RYR3: variants seen among roughly 807,000 people sequenced by gnomAD.
RYR3 encodes the protein ryanodine receptor 3.
In RYR3, 207 loss-of-function variants were observed where a neutral mutation model predicts 584.3. The observed-to-expected ratio is 0.35, with a 90% confidence interval of 0.32 to 0.40. The LOEUF is 0.40. Ranked by LOEUF, RYR3 falls within the 10% of genes least tolerant of loss-of-function variation. RYR3 has a pLI of 1.00. For missense variants in RYR3, 5,616 were observed against 6,089.2 expected (o/e 0.92, Z 2.59); for synonymous variants, 2,416 against 2,248.5 (o/e 1.07, Z -2.11).
intron 1 of RYR3, among the ~76,000 whole-genome samples, chr15:33,329,557 A>G (rs1016547281): frequency 6.6e-6 from 1 of 152,192 alleles, no homozygotes; most frequent in Non-Finnish European, 1.5e-5. Context: ...TTCAGTGTGT[A>G]GAGCGATTCC....
At position 33,838,108 on chromosome 15, in the gene RYR3, G is replaced by T. The variant is rs2078152436; in HGVS notation, c.12128G>T (p.Arg4043Leu). ...ATGGGTGGGGCCAAGAAGATTGAGCGTGTTTATTTTGAGATCAGTGAATCC... is the reference window on the plus strand; with the variant it reads ...ATGGGTGGGGCCAAGAAGATTGAGCTTGTTTATTTTGAGATCAGTGAATCC... Reference protein sequence around the residue: ...EIMGGAKKIERVYFEISESSR... With the variant: ...EIMGGAKKIELVYFEISESSR... The change falls in exon 89 of 104, where the codon CGT becomes CTT. Residue 4043 changes from arginine (R) to leucine (L), a missense_variant. Coordinates refer to ENST00000634891, the MANE Select transcript of RYR3 (RefSeq NM_001036.6). 6.2e-7 allele frequency: 1 copy of T among 1,613,822 alleles called. No homozygotes were observed. Among genetic ancestry groups the T allele is most frequent in the Non-Finnish European group, 8.5e-7 (1 of 1,179,898 alleles).
At position 33,401,358 on chromosome 15, in the gene RYR3, T is replaced by G. The variant is rs116347554; in HGVS notation, c.52-72061T>G. Among the ~76,000 whole-genome samples the G allele has an allele frequency of 6.9e-3, 1,056 of 152,322 alleles. 13 individuals are homozygous for G. Among genetic ancestry groups the G allele is most frequent in the African/African-American group, 0.024 (1,008 of 41,568 alleles). On this transcript the variant is annotated intron_variant, in intron 1 of 103. Transcript: ENST00000634891. ...CCCTGGTCAGGCTGGGTGGTAACCT[T>G]GTTGTCTCAGGCGTCTGATTTCACA... is the stretch of plus-strand genomic sequence containing the variant.
chr15:33,738,034 C>T (rs546161282), intron 49 of RYR3, among the ~76,000 whole-genome samples: 29 of 152,250 alleles, frequency 1.9e-4, no homozygotes, highest in African/African-American at 7.0e-4. Flanking sequence ...CCACCATCCT[C>T]TCCCCATATC....
chr15:33,762,252 C>T (rs929636291), intron 60 of RYR3, among the ~76,000 whole-genome samples: 2 of 152,130 alleles, frequency 1.3e-5, no homozygotes, highest in Non-Finnish European at 2.9e-5. Context: ...GAAGTTCTGG[C>T]CAGGGCAATC....
intron 94 of RYR3, 48 bp from the exon 95 acceptor site, chr15:33,852,983 TCTTGATGTGTTTTC>T: frequency 7.0e-7 from 1 of 1,426,158 alleles, no homozygotes; most frequent in African/African-American, 1.4e-5. Context: ...CTGAAACGTT[TCTTGATGTGTTTTC>T]CTTGATGTTA....
At chr15:33,413,115 C>T (rs572857154) in intron 1 of RYR3, among the ~76,000 whole-genome samples, 6 of 152,336 alleles carry the variant, frequency 3.9e-5, no homozygotes, top group East Asian at 1.9e-4. Context: ...GTTCTTCCAA[C>T]CTCTTGAATT....
chr15:33,459,656 C>T (rs573759694), intron 1 of RYR3, among the ~76,000 whole-genome samples: 44 of 152,200 alleles, frequency 2.9e-4, no homozygotes, highest in African/African-American at 9.6e-4. Context: ...TCACAGTCTG[C>T]GGCTGAAAAT....
intron 103 of RYR3, 161 bp from the exon 104 acceptor site, chr15:33,864,970 A>C: frequency 1.8e-6 from 1 of 565,104 alleles, no homozygotes; most frequent in Non-Finnish European, 3.1e-6. Flanking sequence ...TTGCTTCCCA[A>C]ACAGCCTGTG....
chr15:33,742,806 A>G lies in RYR3; in HGVS notation c.7899+362A>G, dbSNP rs55879601. On this transcript the variant is annotated intron_variant, in intron 52 of 103. Coordinates refer to ENST00000634891, the MANE Select transcript of RYR3 (RefSeq NM_001036.6). ...ATTTTTGTCTTTGAATGCAGATTGGAAAAAAAAAATGAAATTGAAAGCCTA... is the reference window on the plus strand; with the variant it reads ...ATTTTTGTCTTTGAATGCAGATTGGGAAAAAAAAATGAAATTGAAAGCCTA... Among the ~76,000 whole-genome samples the G allele has an allele frequency of 6.7e-3, 842 of 124,900 alleles. 3 individuals carry two copies. Among genetic ancestry groups the G allele is most frequent in the Non-Finnish European group, 9.1e-3 (518 of 56,952 alleles). 81.9% of individuals were successfully genotyped at this position (124,900 alleles called of 152,430 possible).
chr15:33,687,095 G>A (rs1237201978), intron 38 of RYR3, among the ~76,000 whole-genome samples: 1 of 152,090 alleles, frequency 6.6e-6, no homozygotes, highest in Non-Finnish European at 1.5e-5. Flanking sequence ...AGAAATAAAG[G>A]GTATTCAATT....
Position 33,584,218 on chromosome 15 carries a change from CTG to C in RYR3, c.1574-175_1574-174del, listed in dbSNP as rs1228388123. On this transcript the variant is annotated intron_variant, in intron 14 of 103. Coordinates refer to ENST00000634891, the MANE Select transcript of RYR3 (RefSeq NM_001036.6). ...CTCCAGCCTGGGTGACTGGGTGAGA[CTG>C]TCACTTAAAAAAAGAAAAAAAAAGA... is the stretch of plus-strand genomic sequence containing the variant. 7.2e-5 allele frequency among the ~76,000 whole-genome samples: 11 copies of C among 152,020 alleles called. No homozygotes were observed. The East Asian group carries it at 1.9e-3, about 27-fold the overall frequency.
chr15:33,578,270 G>A (rs2152509595), intron 12 of RYR3, among the ~76,000 whole-genome samples: 1 of 152,266 alleles, frequency 6.6e-6, no homozygotes, highest in Non-Finnish European at 1.5e-5. Flanking sequence ...TATACCCAAA[G>A]GAATATAAAT....
At chr15:33,545,441 A>G (rs981110938) in intron 8 of RYR3, among the ~76,000 whole-genome samples, 1 of 152,150 alleles carries the variant, frequency 6.6e-6, no homozygotes, top group Non-Finnish European at 1.5e-5. Flanking sequence ...TTAAATAAAC[A>G]TGAAGGTGAC....
chr15:33,593,624 A>G (rs2059239678), intron 16 of RYR3, among the ~76,000 whole-genome samples: 1 of 152,344 alleles, frequency 6.6e-6, no homozygotes, highest in Non-Finnish European at 1.5e-5. Context: ...TTAAGAAAGC[A>G]CAACTTAGTT....
At chr15:33,687,844 A>G (rs1390992764) in intron 38 of RYR3, among the ~76,000 whole-genome samples, 1 of 152,256 alleles carries the variant, frequency 6.6e-6, no homozygotes, top group African/African-American at 2.4e-5. Context: ...TGGTGCTGGG[A>G]AAACTGGCTA....
chr15:33,529,262 G>T (rs1399761148), intron 3 of RYR3, among the ~76,000 whole-genome samples: 1 of 152,178 alleles, frequency 6.6e-6, no homozygotes, highest in Non-Finnish European at 1.5e-5. Flanking sequence ...TTTATATTTA[G>T]TTACCGGCTT....
intron 2 of RYR3, among the ~76,000 whole-genome samples, chr15:33,487,223 G>A (rs1295422452): frequency 6.6e-6 from 1 of 151,506 alleles, no homozygotes; most frequent in Non-Finnish European, 1.5e-5. Context: ...AGTGTGAGGT[G>A]GATGATTGAG....
rs188030131 is a variant in RYR3 at position 33,829,722 on chromosome 15, A to C, written c.11335-1241A>C. On this transcript the variant is annotated intron_variant, in intron 85 of 103. Coordinates refer to ENST00000634891, the MANE Select transcript of RYR3 (RefSeq NM_001036.6). ...GAGCCAGATTGCGCCGCTGCACTCC[A>C]GCCTGGGCAACAGAGCGAGACTCTG... 4.0e-3 allele frequency among the ~76,000 whole-genome samples: 603 copies of C among 150,816 alleles called. 4 individuals are homozygous for C. The highest frequency in any genetic ancestry group is 0.014 in the African/African-American group (582 of 41,008).
chr15:33,794,599 A>G (rs898341993), intron 67 of RYR3, among the ~76,000 whole-genome samples: 1 of 152,100 alleles, frequency 6.6e-6, no homozygotes, highest in Non-Finnish European at 1.5e-5. Context: ...AAGACAGAGT[A>G]TGTTGTACTT....
Sources: allele counts gnomAD v4.1 joint callset (sites outside exome capture counted in the v4.1 genomes callset), GRCh38; gene constraint gnomAD v4.1.1; transcripts MANE v1.5; gene names NCBI Gene and HGNC (gene_info 2026-07-23, HGNC 2026-07-21).